IMMP2L: variants seen among roughly 807,000 people sequenced by gnomAD.
The protein encoded by IMMP2L is inner mitochondrial membrane peptidase subunit 2.
A neutral mutation model predicts 19.3 loss-of-function variants in IMMP2L; 18 were observed. The ratio of observed to expected loss-of-function variants is 0.93; its 90% CI spans 0.64 to 1.38. The LOEUF (loss-of-function observed/expected upper bound fraction) is 1.38. Among genes scored for constraint, IMMP2L ranks in the 40% most tolerant of loss-of-function variants. The pLI is 0.00. For synonymous variants in IMMP2L, 76 were observed against 73.0 expected (o/e 1.04, Z -0.21); for missense variants, 233 against 218.2 (o/e 1.07, Z -0.43).
chr7:111,122,618 G>A, intron 3 of IMMP2L: 1 of 613,728 alleles, frequency 1.6e-6, no homozygotes, highest in Non-Finnish European at 2.9e-6. Flanking sequence ...TGTGGCACTG[G>A]CACTTATTTC....
chr7:110,733,185 T>C (rs1796387253), intron 5 of IMMP2L, among the ~76,000 whole-genome samples: 1 of 152,204 alleles, frequency 6.6e-6, no homozygotes, highest in Non-Finnish European at 1.5e-5. Context: ...TTATGCTGTC[T>C]GGTGCTAGTA....
chr7:110,753,297 G>A (rs953787854), intron 5 of IMMP2L, among the ~76,000 whole-genome samples: 3 of 151,976 alleles, frequency 2.0e-5, no homozygotes, highest in Non-Finnish European at 4.4e-5. Context: ...TTAGATATTA[G>A]AAAAGGGAAT....
chr7:111,125,789 T>G (rs2129591041), intron 3 of IMMP2L, among the ~76,000 whole-genome samples: 1 of 151,506 alleles, frequency 6.6e-6, no homozygotes, highest in East Asian at 1.9e-4. Context: ...TTTTAATAAT[T>G]AGCAGTAGCT....
At chr7:111,302,141 T>C (rs924002462) in intron 3 of IMMP2L, among the ~76,000 whole-genome samples, 2 of 152,002 alleles carry the variant, frequency 1.3e-5, no homozygotes, top group African/African-American at 4.8e-5. Flanking sequence ...TGGAATGCCC[T>C]TGCCCCAGAT....
At chr7:110,911,319 AT>A (rs1813035269) in intron 4 of IMMP2L, among the ~76,000 whole-genome samples, 1 of 152,162 alleles carries the variant, frequency 6.6e-6, no homozygotes, top group Non-Finnish European at 1.5e-5. Context: ...GAAATTAAAA[AT>A]ATATTACAAA....
chr7:110,812,856 T>C (rs1010682913), intron 5 of IMMP2L, among the ~76,000 whole-genome samples: 27 of 152,166 alleles, frequency 1.8e-4, no homozygotes, highest in African/African-American at 5.8e-4. Context: ...TACTTCTTTA[T>C]GTATTTCTCT....
rs181741976 is a variant in IMMP2L, at chr7:110,857,425, A to T, written c.408+29168T>A. Among the ~76,000 whole-genome samples the T allele has an allele frequency of 1.8e-4, 27 of 152,178 alleles. No individual in the cohort carries two copies. In the East Asian group the frequency reaches 5.2e-3, roughly 29 times the overall value. The stretch of plus-strand genomic sequence containing the variant: ...CTGTCTTCAGATTGTATATTATTAA[A>T]CTATTCTATCTGATTCCTAAGAAAA... On this transcript the variant is annotated intron_variant, in intron 5 of 5. Transcript: ENST00000405709.
chr7:111,330,647 C>T (rs1209374624), intron 3 of IMMP2L, among the ~76,000 whole-genome samples: 1 of 151,662 alleles, frequency 6.6e-6, no homozygotes, highest in Non-Finnish European at 1.5e-5. Flanking sequence ...ATTAGACTGG[C>T]AATAGATTTA....
chr7:111,555,459 CA>C (rs34740448), intron 1 of IMMP2L, among the ~76,000 whole-genome samples: 117,110 of 149,898 alleles, frequency 0.78, 47,134 homozygotes, highest in East Asian at 0.97. Flanking sequence ...TCTTCATTCA[CA>C]AAAAAAAAAA....
chr7:110,734,206 T>C lies in IMMP2L; in HGVS notation c.409-70485A>G, dbSNP rs1450219772. ...GAAGAAGAGAGCTGTAAACAGAGTG[T>C]TGATCTTCTTAGAGATTATCTAAGT... On this transcript the variant is annotated intron_variant, in intron 5 of 5. Coordinates refer to ENST00000405709, the MANE Select transcript of IMMP2L (RefSeq NM_032549.4). Among the ~76,000 whole-genome samples the C allele has an allele frequency of 2.0e-5, 3 of 152,210 alleles. No homozygotes were observed. The East Asian group carries it at 5.8e-4, about 29-fold the overall frequency.
At chr7:111,145,940 G>A (rs1434305036) in intron 3 of IMMP2L, among the ~76,000 whole-genome samples, 2 of 152,004 alleles carry the variant, frequency 1.3e-5, no homozygotes, top group Admixed American at 6.6e-5. Flanking sequence ...ATCATTCAAC[G>A]CCCATTCAGA....
At chr7:111,432,223 T>TG in intron 3 of IMMP2L, among the ~76,000 whole-genome samples, 1 of 151,300 alleles carries the variant, frequency 6.6e-6, no homozygotes, top group Non-Finnish European at 1.5e-5. Context: ...GCTTGGAGTG[T>TG]GGGGGAAAAA....
At chr7:110,685,737 TG>T (rs1378173737) in intron 5 of IMMP2L, among the ~76,000 whole-genome samples, 4 of 152,098 alleles carry the variant, frequency 2.6e-5, no homozygotes, top group African/African-American at 9.7e-5. Flanking sequence ...GACACAAAGC[TG>T]GGCTTTGAAG....
chr7:110,905,677 C>A (rs1049352265), intron 4 of IMMP2L, among the ~76,000 whole-genome samples: 11 of 152,042 alleles, frequency 7.2e-5, no homozygotes, highest in Non-Finnish European at 1.3e-4. Context: ...TTAGAAGAAC[C>A]CTGAATTCTG....
intron 5 of IMMP2L, among the ~76,000 whole-genome samples, chr7:110,673,634 G>A (rs932370648): frequency 1.3e-5 from 2 of 152,086 alleles, no homozygotes; most frequent in Admixed American, 6.5e-5. Flanking sequence ...TCTCTCTCAC[G>A]TTTAAAGTTC....
chr7:111,167,182 G>T (rs1029127882), intron 3 of IMMP2L, among the ~76,000 whole-genome samples: 1 of 151,848 alleles, frequency 6.6e-6, no homozygotes, highest in Non-Finnish European at 1.5e-5. Context: ...ATCTGACCAC[G>T]TCATGAACCA....
At chr7:111,087,777 G>A (rs1184076057) in intron 3 of IMMP2L, among the ~76,000 whole-genome samples, 1 of 152,110 alleles carries the variant, frequency 6.6e-6, no homozygotes, top group Non-Finnish European at 1.5e-5. Flanking sequence ...TGGGTCAAAT[G>A]AGAGATTATA....
In IMMP2L at chr7:110,839,062, T is replaced by G. The variant is rs1041032264; in HGVS notation, c.408+47531A>C. ...GGGATATGTTAGTTTAACAACAAAT[T>G]TCAGTGCTATTGTTTGACCCTTAAA... is the stretch of plus-strand genomic sequence containing the variant. On this transcript the variant is annotated intron_variant, in intron 5 of 5. Coordinates refer to ENST00000405709, the MANE Select transcript of IMMP2L (RefSeq NM_032549.4). Among the ~76,000 whole-genome samples, 8 of 152,092 alleles carry G rather than the reference T, an allele frequency of 5.3e-5. No individual in the cohort carries two copies. In the South Asian group the frequency reaches 1.7e-3, roughly 32 times the overall value.
rs112162168 is a variant in IMMP2L at position 111,023,267 on chromosome 7, C to G, written c.240-59702G>C. On this transcript the variant is annotated intron_variant, in intron 3 of 5. Transcript: ENST00000405709. ...TCACACATTTTCTGTATCAGCTAAACACACATGCACTCACAAAATGCCATC... is the reference window on the plus strand; with the variant it reads ...TCACACATTTTCTGTATCAGCTAAAGACACATGCACTCACAAAATGCCATC... 6.2e-4 allele frequency among the ~76,000 whole-genome samples: 95 copies of G among 152,304 alleles called. 1 individual carries two copies. The highest frequency in any genetic ancestry group is 2.2e-3 in the African/African-American group (90 of 41,566).
Sources: gnomAD v4.1 joint callset for allele counts (sites outside exome capture counted in the v4.1 genomes callset) on GRCh38, gnomAD v4.1.1 for gene constraint, MANE v1.5 for transcripts, NCBI Gene and HGNC (gene_info 2026-07-23, HGNC 2026-07-21) for gene names.